TRADD: variants seen among roughly 807,000 people sequenced by gnomAD.
TRADD encodes the protein TNFRSF1A associated via death domain.
In TRADD, 14 loss-of-function variants were observed where a neutral mutation model predicts 31.5. The observed-to-expected ratio is 0.44, with a 90% CI of 0.29 to 0.69. The LOEUF (loss-of-function observed/expected upper bound fraction) is 0.69. Ranked by LOEUF, TRADD falls within the 30% of genes least tolerant of loss-of-function variation. The pLI is 0.11. For missense variants in TRADD, 388 were observed against 435.7 expected (o/e 0.89, Z 0.97); for synonymous variants, 220 against 215.8 (o/e 1.02, Z -0.17).
chr16:67,157,488 G>T (rs2030739504), intron 1 of TRADD, among the ~76,000 whole-genome samples: 1 of 152,188 alleles, frequency 6.6e-6, no homozygotes, highest in Admixed American at 6.5e-5. Flanking sequence ...CTTTAGCACT[G>T]CTTGGGAAGA....
chr16:67,156,775 G>A lies in TRADD; in HGVS notation c.-8-107C>T. 7.0e-7 allele frequency: 1 copy of A among 1,431,814 alleles called. No individual in the cohort carries two copies. The highest frequency in any genetic ancestry group is 2.3e-5 in the East Asian group (1 of 44,102). The allele number at this position is 1,431,814 out of a possible 1,614,324, so 88.7% of individuals were successfully genotyped here. A position where few individuals can be genotyped will look rare whatever the true frequency, so the allele number is the denominator to read the frequency against. Reference sequence around the variant, plus strand: ...GCTGTCCCCACCACAGTAGCCTCAAGTCCCACATGGTTCAGTTGTCCCCAC... The same window carrying A: ...GCTGTCCCCACCACAGTAGCCTCAAATCCCACATGGTTCAGTTGTCCCCAC... On this transcript the variant is annotated intron_variant, in intron 1 of 4. Transcript: ENST00000345057. This position sits in a 1 kb window ranked among gnomAD's most constrained non-coding sequence, Gnocchi z 4.6.
At position 67,155,737 on chromosome 16, in the gene TRADD, G is replaced by A. The variant is rs2030669202; in HGVS notation, c.152-83C>T. The A allele has an allele frequency of 4.0e-6, 6 of 1,488,084 alleles. No homozygotes were observed. In the South Asian group the frequency reaches 6.4e-5, roughly 16 times the overall value. 92.2% of individuals were successfully genotyped at this position (1,488,084 alleles called of 1,614,324 possible). Reference sequence around the variant, plus strand: ...GGCCGGAGGAGGGGCGAAGCCCGTGGTGAAGCCCCGCGTCCCATCCCCTGA... The same window carrying A: ...GGCCGGAGGAGGGGCGAAGCCCGTGATGAAGCCCCGCGTCCCATCCCCTGA... On this transcript the variant is annotated intron_variant, in intron 2 of 4. Transcript: ENST00000345057.
Position 67,158,078 on chromosome 16 carries a change from A to T in TRADD, c.-8-1410T>A, listed in dbSNP as rs73585074. ...GGGGTGGCCCAGCTGCCATCTGTTT[A>T]CATGAGGAACAGGAAGCTGTCCTCC... On this transcript the variant is annotated intron_variant, in intron 1 of 4. Transcript: ENST00000345057. 4.3e-3 allele frequency among the ~76,000 whole-genome samples: 657 copies of T among 152,290 alleles called. 3 individuals are homozygous for T. The highest frequency in any genetic ancestry group is 0.015 in the African/African-American group (630 of 41,564).
At chr16:67,155,965 G>C in intron 2 of TRADD, 2 of 1,449,766 alleles carry the variant, frequency 1.4e-6, no homozygotes, top group Non-Finnish European at 1.8e-6. Flanking sequence ...CGTGTGCCCT[G>C]GGCAAACAAG....
rs909621319 is a variant in TRADD at position 67,156,287 on chromosome 16, A to G, written c.151+223T>C. The G allele has an allele frequency of 5.1e-6, 6 of 1,167,310 alleles. No homozygotes were observed. The highest frequency in any genetic ancestry group is 7.2e-6 in the Non-Finnish European group (6 of 832,682). 72.3% of individuals were successfully genotyped at this position (1,167,310 alleles called of 1,614,324 possible). On this transcript the variant is annotated intron_variant, in intron 2 of 4. Transcript: ENST00000345057. The surrounding 1 kb of genome is among the most constrained non-coding windows in gnomAD (Gnocchi z 4.6). Reference sequence around the variant, plus strand: ...TGGTGGAGGGGGGCGGGGATGGAGCAAAGGACGTTAGTGCACAAATTGGTA... The same window carrying G: ...TGGTGGAGGGGGGCGGGGATGGAGCGAAGGACGTTAGTGCACAAATTGGTA...
chr16:67,156,309 G>C lies in TRADD; in HGVS notation c.151+201C>G. On this transcript the variant is annotated intron_variant, in intron 2 of 4. Coordinates refer to ENST00000345057, the MANE Select transcript of TRADD (RefSeq NM_003789.4). The surrounding 1 kb of genome is among the most constrained non-coding windows in gnomAD (Gnocchi z 4.6). The stretch of plus-strand genomic sequence containing the variant: ...AGCAAAGGACGTTAGTGCACAAATT[G>C]GTAAATCATACACAGACTCGAGAAC... 1 of 1,138,188 alleles carries C rather than the reference G, an allele frequency of 8.8e-7. No homozygotes were observed. Among genetic ancestry groups the C allele is most frequent in the East Asian group, 2.6e-5 (1 of 38,702 alleles). The allele number at this position is 1,138,188 out of a possible 1,614,324, so 70.5% of individuals were successfully genotyped here.
chr16:67,154,533 C>T lies in TRADD; in HGVS notation c.*116G>A. ...GCAATCAACTCTGCCCCAGCAGGTCCAGCAGATAGGCCAAGTGGAGTTTCA... is the reference window on the plus strand; with the variant it reads ...GCAATCAACTCTGCCCCAGCAGGTCTAGCAGATAGGCCAAGTGGAGTTTCA... On this transcript the variant is annotated 3_prime_UTR_variant, in exon 5 of 5. Transcript: ENST00000345057. The surrounding 1 kb of genome is among the most constrained non-coding windows in gnomAD (Gnocchi z 5.2). 1 of 1,320,700 alleles carries T rather than the reference C, an allele frequency of 7.6e-7. No individual in the cohort carries two copies. Among genetic ancestry groups the T allele is most frequent in the Non-Finnish European group, 1.0e-6 (1 of 954,106 alleles). 81.8% of individuals were successfully genotyped at this position (1,320,700 alleles called of 1,614,324 possible). A position where few individuals can be genotyped will look rare whatever the true frequency, so the allele number is the denominator to read the frequency against.
In TRADD at chr16:67,155,589, C is replaced by A. The variant is rs767839763; in HGVS notation, c.217G>T (p.Val73Leu). 6 of 1,548,106 alleles carry A rather than the reference C, an allele frequency of 3.9e-6. No homozygotes were observed. The Admixed American group carries it at 9.4e-5, about 24-fold the overall frequency. Reference protein sequence around the residue: ...KIHRSDPQLIVQLRFCGRQPC... With the variant: ...KIHRSDPQLILQLRFCGRQPC... ...TGCCGCCCGCAGAATCGCAGCTGCA[C>A]GATCAGCTGCGGGTCGCTGCGGTGG... Residue 73 changes from valine to leucine, a missense_variant, in exon 3 of 5, where the codon GTG becomes TTG. Val to Leu is a conservative substitution (Grantham distance 32). Transcript: ENST00000345057.
chr16:67,155,796 G>A lies in TRADD; in HGVS notation c.152-142C>T, dbSNP rs2030671909. 3 of 1,465,900 alleles carry A rather than the reference G, an allele frequency of 2.0e-6. 1 individual carries two copies. The South Asian group carries it at 4.1e-5, about 20-fold the overall frequency. The allele number at this position is 1,465,900 out of a possible 1,614,324, so 90.8% of individuals were successfully genotyped here. A position where few individuals can be genotyped will look rare whatever the true frequency, so the allele number is the denominator to read the frequency against. Reference sequence around the variant, plus strand: ...GCAGTTACCCCAGAGTACCCAGCTGGGAAGCAAAATTGGGATACAAACAGC... The same window carrying A: ...GCAGTTACCCCAGAGTACCCAGCTGAGAAGCAAAATTGGGATACAAACAGC... On this transcript the variant is annotated intron_variant, in intron 2 of 4. Coordinates refer to ENST00000345057, the MANE Select transcript of TRADD (RefSeq NM_003789.4).
intron 1 of TRADD, among the ~76,000 whole-genome samples, chr16:67,158,022 T>G (rs916967293): frequency 6.6e-6 from 1 of 151,946 alleles, no homozygotes; most frequent in African/African-American, 2.4e-5. Context: ...CTAAGAGGAG[T>G]GTTGAGTGTT....
chr16:67,156,275 C>G lies in TRADD; in HGVS notation c.151+235G>C, dbSNP rs1280198388. On this transcript the variant is annotated intron_variant, in intron 2 of 4. Coordinates refer to ENST00000345057, the MANE Select transcript of TRADD (RefSeq NM_003789.4). This position sits in a 1 kb window ranked among gnomAD's most constrained non-coding sequence, Gnocchi z 4.6. ...GAGTGAGCCGGCTGGTGGAGGGGGG[C>G]GGGGATGGAGCAAAGGACGTTAGTG... is the stretch of plus-strand genomic sequence containing the variant. 3 of 1,192,796 alleles carry G rather than the reference C, an allele frequency of 2.5e-6. No homozygotes were observed. In the South Asian group the frequency reaches 4.3e-5, roughly 17 times the overall value. The allele number at this position is 1,192,796 out of a possible 1,614,324, so 73.9% of individuals were successfully genotyped here.
rs1313540032 is a variant in TRADD at position 67,154,819 on chromosome 16, CG to C, written c.768del (p.Tyr256Ter). On this transcript the variant is annotated frameshift_variant, in exon 5 of 5. Transcript: ENST00000345057. LOFTEE classifies it high-confidence loss of function. The surrounding 1 kb of genome is among the most constrained non-coding windows in gnomAD (Gnocchi z 5.2). ...GCCTGCTCGTACAGTCCCTCGCGCT[CG>C]TACTCGTAGGCCAGCGAGTCCAGCG... ...DPALDSLAYE[Y>X]EREGLYEQAF... 3 of 1,592,588 alleles carry C rather than the reference CG, an allele frequency of 1.9e-6. No homozygotes were observed. The highest frequency in any genetic ancestry group is 1.7e-6 in the Non-Finnish European group (2 of 1,170,706).
Position 67,154,937 on chromosome 16 carries a change from C to T in TRADD, c.651G>A (p.Lys217=), listed in dbSNP as rs766674180. The T allele has an allele frequency of 1.6e-5, 25 of 1,609,700 alleles. No homozygotes were observed. The highest frequency in any genetic ancestry group is 5.3e-5 in the African/African-American group (4 of 74,868). ...CAGAGCGCGCGAACGTCTGTTGGTCCTTCAGGCTCAGCGGCCGATTCACTG... is the reference window on the plus strand; with the variant it reads ...CAGAGCGCGCGAACGTCTGTTGGTCTTTCAGGCTCAGCGGCCGATTCACTG... ...QPVVNRPLSL[K]DQQTFARSVG... is the part of the protein sequence containing the mutation. Residue 217 remains lysine, a synonymous_variant, in exon 5 of 5, where the codon AAG becomes AAA. Coordinates refer to ENST00000345057, the MANE Select transcript of TRADD (RefSeq NM_003789.4). The surrounding 1 kb of genome is among the most constrained non-coding windows in gnomAD (Gnocchi z 5.2).
rs1388551201 is a variant in TRADD, at chr16:67,156,092, C to T, written c.151+418G>A. 1 of 1,349,176 alleles carries T rather than the reference C, an allele frequency of 7.4e-7. No individual in the cohort carries two copies. The highest frequency in any genetic ancestry group is 1.5e-5 in the African/African-American group (1 of 68,182). The allele number at this position is 1,349,176 out of a possible 1,614,324, so 83.6% of individuals were successfully genotyped here. A position where few individuals can be genotyped will look rare whatever the true frequency, so the allele number is the denominator to read the frequency against. ...AGAGGGGCTCTCGCCGCTCTGAGGC[C>T]ACGAACAGATCCCCCAACCCGCTTC... On this transcript the variant is annotated intron_variant, in intron 2 of 4. Coordinates refer to ENST00000345057, the MANE Select transcript of TRADD (RefSeq NM_003789.4). The surrounding 1 kb of genome is among the most constrained non-coding windows in gnomAD (Gnocchi z 4.6).
chr16:67,155,978 G>T (rs754463265), intron 2 of TRADD: 1 of 1,428,760 alleles, frequency 7.0e-7, no homozygotes, highest in Non-Finnish European at 9.3e-7. Flanking sequence ...CAAACAAGCC[G>T]TCTGGGTAGG....
At chr16:67,157,201 T>A (rs1332012581) in intron 1 of TRADD, among the ~76,000 whole-genome samples, 2 of 152,160 alleles carry the variant, frequency 1.3e-5, no homozygotes, top group Non-Finnish European at 2.9e-5. Context: ...CTACCCAGAT[T>A]CTCTCCCCAA....
Position 67,155,295 on chromosome 16 carries a change from C to T in TRADD, c.430-1G>A, listed in dbSNP as rs1341422066. 1 of 1,610,504 alleles carries T rather than the reference C, an allele frequency of 6.2e-7. No homozygotes were observed. The highest frequency in any genetic ancestry group is 1.7e-5 in the Admixed American group (1 of 59,908). ...GTTCTTCATCCCGGAGCCGGTCGGG[C>T]TAGGGGAATGGAACGTGCCGTCACG... On this transcript the variant is annotated splice_acceptor_variant, in intron 3 of 4. Transcript: ENST00000345057. LOFTEE classifies it high-confidence loss of function.
intron 1 of TRADD, among the ~76,000 whole-genome samples, chr16:67,158,011 G>T (rs1436987774): frequency 4.6e-5 from 7 of 152,186 alleles, no homozygotes; most frequent in Admixed American, 3.9e-4. Context: ...TATATGGTGG[G>T]CTAAGAGGAG....
At position 67,155,605 on chromosome 16, in the gene TRADD, G is replaced by T. The variant is rs978908887; in HGVS notation, c.201C>A (p.Ser67Arg). ...DVLQMLKIHR[S>R]DPQLIVQLRF... The stretch of plus-strand genomic sequence containing the variant: ...GCAGCTGCACGATCAGCTGCGGGTC[G>T]CTGCGGTGGATCTTCAGCATCTGCA... The change falls in exon 3 of 5, where the codon AGC becomes AGA. Residue 67 changes from serine (S) to arginine (R), a missense_variant. By Grantham distance (110) the Ser-to-Arg change is moderately radical (BLOSUM62 -1). Coordinates refer to ENST00000345057, the MANE Select transcript of TRADD (RefSeq NM_003789.4). 1.9e-5 allele frequency: 30 copies of T among 1,553,750 alleles called. No homozygotes were observed. Among genetic ancestry groups the T allele is most frequent in the Non-Finnish European group, 2.5e-5 (29 of 1,156,912 alleles).
Sources: gnomAD v4.1 joint callset for allele counts (sites outside exome capture counted in the v4.1 genomes callset) on GRCh38, gnomAD v4.1.1 for gene constraint, Gnocchi (gnomAD v3.1) non-coding constraint, MANE v1.5 for transcripts, NCBI Gene and HGNC (gene_info 2026-07-23, HGNC 2026-07-21) for gene names.